KLRF1: variants seen among roughly 807,000 people sequenced by gnomAD.
KLRF1 encodes killer cell lectin like receptor F1, also known as killer cell lectin-like receptor subfamily F member 1.
In KLRF1, 27 loss-of-function variants were observed where a neutral mutation model predicts 30.7. The ratio of observed to expected loss-of-function variants is 0.88; its 90% CI spans 0.65 to 1.21. The LOEUF is 1.21. Among genes scored for constraint, KLRF1 ranks in the 50% most tolerant of loss-of-function variants. The pLI, the probability that KLRF1 is intolerant of heterozygous loss-of-function variation, is 0.00. For missense variants in KLRF1, 246 were observed against 259.3 expected (o/e 0.95, Z 0.35); for synonymous variants, 92 against 89.3 (o/e 1.03, Z -0.17).
chr12:9,806,349 AT>A, the KLRF1 span, among the ~76,000 whole-genome samples: 6 of 152,036 alleles, frequency 3.9e-5, no homozygotes, highest in Non-Finnish European at 7.4e-5. Flanking sequence ...CAAAAATTCT[AT>A]CTTTTTTGAT....
At chr12:9,800,738 A>T in the KLRF1 span, among the ~76,000 whole-genome samples, 16 of 151,698 alleles carry the variant, frequency 1.1e-4, no homozygotes, top group Admixed American at 1.1e-3. Flanking sequence ...GAGCTTTAAG[A>T]GTTATTTATC....
At chr12:9,817,004 T>A in the KLRF1 span, among the ~76,000 whole-genome samples, 3 of 152,048 alleles carry the variant, frequency 2.0e-5, no homozygotes, top group Non-Finnish European at 4.4e-5. Context: ...TCCAGCATTC[T>A]CTTCTTTCTC....
the KLRF1 span, among the ~76,000 whole-genome samples, chr12:9,813,975 G>C: frequency 1.3e-5 from 2 of 152,118 alleles, no homozygotes; most frequent in African/African-American, 4.8e-5. Context: ...GCCCCAACAA[G>C]ACTTCATCCT....
At chr12:9,824,659 G>A (rs577729591), upstream of KLRF1, among the ~76,000 whole-genome samples, 61 of 152,282 alleles carry the variant, frequency 4.0e-4, no homozygotes, top group South Asian at 0.012. Flanking sequence ...CAAATAGGAA[G>A]AGAGGACGTA....
At chr12:9,814,547 A>G in the KLRF1 span, among the ~76,000 whole-genome samples, 7 of 152,168 alleles carry the variant, frequency 4.6e-5, no homozygotes, top group Non-Finnish European at 8.8e-5. Context: ...AGCTCCGCGT[A>G]TGCTCCTGCA....
the KLRF1 span, among the ~76,000 whole-genome samples, chr12:9,801,436 A>T: frequency 3.3e-5 from 5 of 152,186 alleles, no homozygotes; most frequent in Non-Finnish European, 5.9e-5. Context: ...GTCTTCTACA[A>T]TGGTAGAACA....
chr12:9,809,409 A>G, the KLRF1 span, among the ~76,000 whole-genome samples: 8 of 152,192 alleles, frequency 5.3e-5, no homozygotes, highest in Non-Finnish European at 1.2e-4. Flanking sequence ...GCATACATGC[A>G]CATATGTAAA....
At chr12:9,841,693 A>G (rs1044524694) in intron 3 of KLRF1, 119 bp from the exon 4 acceptor site, 3 of 677,206 alleles carry the variant, frequency 4.4e-6, no homozygotes, top group Non-Finnish European at 6.9e-6. Flanking sequence ...AATTTGCTAT[A>G]AGTGATTTTA....
At chr12:9,812,625 G>T in the KLRF1 span, among the ~76,000 whole-genome samples, 1 of 152,116 alleles carries the variant, frequency 6.6e-6, no homozygotes, top group Non-Finnish European at 1.5e-5. Flanking sequence ...CCCTCATCCT[G>T]CTATCTATCA....
At chr12:9,830,718 A>C (rs1333280150) in intron 1 of KLRF1, among the ~76,000 whole-genome samples, 2 of 151,928 alleles carry the variant, frequency 1.3e-5, no homozygotes, top group African/African-American at 4.8e-5. Context: ...TTATATTCCT[A>C]GAATAAACCA....
the KLRF1 span, among the ~76,000 whole-genome samples, chr12:9,803,672 G>T: frequency 6.6e-6 from 1 of 151,938 alleles, no homozygotes; most frequent in Admixed American, 6.6e-5. Flanking sequence ...TGGATGTCCA[G>T]TTCCAGCATC....
At chr12:9,836,375 GT>G (rs2121220423) in intron 3 of KLRF1, among the ~76,000 whole-genome samples, 1 of 152,100 alleles carries the variant, frequency 6.6e-6, no homozygotes, top group East Asian at 1.9e-4. Flanking sequence ...GGTTTACACT[GT>G]TTTTCCAAGC....
chr12:9,839,673 A>C (rs1168239300), intron 3 of KLRF1, among the ~76,000 whole-genome samples: 1 of 152,106 alleles, frequency 6.6e-6, no homozygotes, highest in Non-Finnish European at 1.5e-5. Flanking sequence ...CAGGGTGGAA[A>C]GCCACTGCAC....
At chr12:9,837,421 T>C (rs535146348) in intron 3 of KLRF1, among the ~76,000 whole-genome samples, 47 of 151,978 alleles carry the variant, frequency 3.1e-4, no homozygotes, top group Non-Finnish European at 6.0e-4. Context: ...TATGTATATC[T>C]GTAAATATAG....
intron 3 of KLRF1, among the ~76,000 whole-genome samples, chr12:9,836,401 T>C (rs1419574712): frequency 5.3e-5 from 8 of 152,084 alleles, no homozygotes; most frequent in Non-Finnish European, 8.8e-5. Context: ...ACAGCTGATA[T>C]CTCTTGGTGC....
intron 3 of KLRF1, among the ~76,000 whole-genome samples, chr12:9,839,110 A>G (rs1450757998): frequency 2.6e-5 from 4 of 152,098 alleles, no homozygotes; most frequent in Non-Finnish European, 5.9e-5. Flanking sequence ...CTTATGAACA[A>G]CAGATATTTA....
At chr12:9,823,416 C>T (rs151033727), upstream of KLRF1, among the ~76,000 whole-genome samples, 555 of 152,170 alleles carry the variant, frequency 3.6e-3, 3 homozygotes, top group African/African-American at 0.012. Flanking sequence ...TTAAGGCAGA[C>T]ATCGAAACAT....
chr12:9,816,752 G>A, the KLRF1 span, among the ~76,000 whole-genome samples: 3 of 51,642 alleles, frequency 5.8e-5, no homozygotes, highest in Non-Finnish European at 1.2e-4. Flanking sequence ...TTTTTTTTTT[G>A]AGACGGAGTC....
At chr12:9,838,904 T>G (rs766154762) in intron 3 of KLRF1, among the ~76,000 whole-genome samples, 2 of 152,258 alleles carry the variant, frequency 1.3e-5, no homozygotes, top group African/African-American at 4.8e-5. Context: ...CAATCACAAT[T>G]TGCCTTCACA....
Sources: gnomAD v4.1 joint callset for allele counts (sites outside exome capture counted in the v4.1 genomes callset) on GRCh38, gnomAD v4.1.1 for gene constraint, MANE v1.5 for transcripts, NCBI Gene and HGNC (gene_info 2026-07-23, HGNC 2026-07-21) for gene names.